Variants in CSMD1 observed in about 807,000 individuals in gnomAD.
The protein encoded by CSMD1 is CUB and Sushi multiple domains 1, also known as CUB and sushi domain-containing protein 1.
A neutral mutation model predicts 417.5 loss-of-function variants in CSMD1; 213 were observed. The observed-to-expected ratio is 0.51, with a 90% CI of 0.46 to 0.57. The LOEUF is 0.57. CSMD1 is among the 20% of genes least tolerant of loss of function. The pLI, the probability that CSMD1 is intolerant of heterozygous loss-of-function variation, is 0.00. For synonymous variants in CSMD1, 2,862 were observed against 1,736.8 expected (o/e 1.65, Z -16.11); for missense variants, 6,923 against 4,529.7 (o/e 1.53, Z -15.17).
At chr8:4,181,352 C>T (rs1282865944) in intron 3 of CSMD1, among the ~76,000 whole-genome samples, 1 of 147,844 alleles carries the variant, frequency 6.8e-6, no homozygotes, top group Non-Finnish European at 1.5e-5. Context: ...GGTACGGTTT[C>T]TCATTTATTT....
rs769333077 is a variant in CSMD1 at position 4,749,056 on chromosome 8, G to A, written c.86-111498C>T. Among the ~76,000 whole-genome samples the A allele has an allele frequency of 8.7e-5, 9 of 103,080 alleles. 1 individual carries two copies. Among genetic ancestry groups the A allele is most frequent in the South Asian group, 4.9e-4 (2 of 4,114 alleles). 67.6% of individuals were successfully genotyped at this position (103,080 alleles called of 152,430 possible). Reference sequence around the variant, plus strand: ...AAACTGTGTGTGTGTGCCTGTGTGCGTGTGTGTGTGTGTGAGCGCACGCTC... The same window carrying A: ...AAACTGTGTGTGTGTGCCTGTGTGCATGTGTGTGTGTGTGAGCGCACGCTC... On this transcript the variant is annotated intron_variant, in intron 1 of 69. Coordinates refer to ENST00000635120, the MANE Select transcript of CSMD1 (RefSeq NM_033225.6).
chr8:3,471,724 G>A (rs908152632), intron 11 of CSMD1, among the ~76,000 whole-genome samples: 27 of 126,538 alleles, frequency 2.1e-4, no homozygotes, highest in African/African-American at 7.2e-4. Flanking sequence ...TTCCTTCCTT[G>A]CTTTCTGTTA....
intron 5 of CSMD1, among the ~76,000 whole-genome samples, chr8:3,766,093 C>A (rs1231034936): frequency 6.6e-6 from 1 of 152,160 alleles, no homozygotes; most frequent in African/African-American, 2.4e-5. Context: ...ATGGCTCAGA[C>A]AGACAAGTAA....
chr8:3,955,498 T>C (rs772782437), intron 5 of CSMD1, among the ~76,000 whole-genome samples: 12 of 152,200 alleles, frequency 7.9e-5, no homozygotes, highest in Non-Finnish European at 1.5e-4. Flanking sequence ...TCTCTACTCA[T>C]GTTTGAAGCT....
chr8:4,698,046 G>C (rs1425486957), intron 1 of CSMD1, among the ~76,000 whole-genome samples: 1 of 151,638 alleles, frequency 6.6e-6, no homozygotes, highest in African/African-American at 2.4e-5. Flanking sequence ...ATAATTGGAA[G>C]GGTTCATCAA....
At chr8:3,669,722 G>A (rs930190247) in intron 7 of CSMD1, among the ~76,000 whole-genome samples, 60 of 152,090 alleles carry the variant, frequency 3.9e-4, no homozygotes, top group African/African-American at 1.4e-3. Flanking sequence ...CAAAGAGGAA[G>A]GCCAGGAGGA....
At chr8:3,964,640 T>C (rs1400072650) in intron 5 of CSMD1, among the ~76,000 whole-genome samples, 1 of 152,224 alleles carries the variant, frequency 6.6e-6, no homozygotes, top group Non-Finnish European at 1.5e-5. Flanking sequence ...AATATTTAAA[T>C]TTGCTATTCA....
At position 3,106,550 on chromosome 8, in the gene CSMD1, C is replaced by G; in HGVS notation, c.6927G>C (p.Glu2309Asp). The G allele has an allele frequency of 6.2e-7, 1 of 1,613,570 alleles. No individual in the cohort carries two copies. Among genetic ancestry groups the G allele is most frequent in the Admixed American group, 1.7e-5 (1 of 60,004 alleles). Residue 2309 changes from glutamate (E) to aspartate (D), a missense_variant, in exon 46 of 70, where the codon GAG becomes GAC. Physicochemically the swap from Glu to Asp is conservative, Grantham distance 45. Transcript: ENST00000635120. ...TCKLSSQLQFEGSLPTCEAQC... is the reference protein window; with the variant it reads ...TCKLSSQLQFDGSLPTCEAQC... ...TACCTTCACATGTTGGGAGAGAACCCTCAAACTGCAACTGGGAACTGAGCT... is the reference window on the plus strand; with the variant it reads ...TACCTTCACATGTTGGGAGAGAACCGTCAAACTGCAACTGGGAACTGAGCT...
chr8:3,702,206 C>G lies in CSMD1; in HGVS notation c.1009+6208G>C, dbSNP rs190482177. 1.2e-3 allele frequency: 187 copies of G among 152,294 alleles called. 1 individual carries two copies. The highest frequency in any genetic ancestry group is 4.3e-3 in the African/African-American group (180 of 41,550). The allele number at this position is 152,294 out of a possible 1,614,324, so 9.4% of individuals were successfully genotyped here. On this transcript the variant is annotated intron_variant, in intron 7 of 69. Transcript: ENST00000635120. ...ATGGTTCTGGATTAATTGCCCCATC[C>G]TGCATGGCTACAAAGTGTTGTAACT...
Position 4,891,393 on chromosome 8 carries a change from C to T in CSMD1, c.85+102939G>A, listed in dbSNP as rs937657270. Among the ~76,000 whole-genome samples the T allele has an allele frequency of 2.0e-5, 3 of 152,158 alleles. No individual in the cohort carries two copies. In the East Asian group the frequency reaches 5.8e-4, roughly 29 times the overall value. On this transcript the variant is annotated intron_variant, in intron 1 of 69. Coordinates refer to ENST00000635120, the MANE Select transcript of CSMD1 (RefSeq NM_033225.6). ...TTCATTGAATAACTTGACCCTTGAT[C>T]AGGTTGGTACATTGAGCTTTCATTC...
intron 3 of CSMD1, among the ~76,000 whole-genome samples, chr8:4,273,728 C>T (rs1461457280): frequency 6.6e-6 from 1 of 152,042 alleles, no homozygotes; most frequent in Non-Finnish European, 1.5e-5. Context: ...GTAGCTAGAC[C>T]ATCTGGGTCA....
intron 25 of CSMD1, among the ~76,000 whole-genome samples, chr8:3,296,095 C>T (rs116789858): frequency 0.029 from 4,371 of 151,690 alleles, 218 homozygotes; most frequent in African/African-American, 0.096. Context: ...GTGGTAAATG[C>T]AATTGAAGAA....
intron 4 of CSMD1, among the ~76,000 whole-genome samples, chr8:4,015,502 T>A (rs112690776): frequency 6.6e-6 from 1 of 152,052 alleles, no homozygotes; most frequent in Non-Finnish European, 1.5e-5. Context: ...CAGCTTCAGA[T>A]AGGTCTAAAA....
At chr8:3,129,794 G>C (rs11136581) in intron 41 of CSMD1, among the ~76,000 whole-genome samples, 7,337 of 152,122 alleles carry the variant, frequency 0.048, 472 homozygotes, top group East Asian at 0.35. Context: ...TTCAAGACCA[G>C]CCTGCCCAAG....
intron 2 of CSMD1, among the ~76,000 whole-genome samples, chr8:4,527,493 A>AC (rs1796577687): frequency 6.6e-6 from 1 of 152,188 alleles, no homozygotes; most frequent in Non-Finnish European, 1.5e-5. Flanking sequence ...GTGTCAAGAT[A>AC]TAAAGAATGA....
At chr8:4,223,120 T>C (rs187724339) in intron 3 of CSMD1, among the ~76,000 whole-genome samples, 225 of 152,008 alleles carry the variant, frequency 1.5e-3, no homozygotes, top group Non-Finnish European at 2.0e-3. Context: ...TAGTAGCAAG[T>C]GGCTCAGTAA....
chr8:4,419,364 T>C (rs538889595), intron 3 of CSMD1, among the ~76,000 whole-genome samples: 2 of 152,276 alleles, frequency 1.3e-5, no homozygotes, highest in African/African-American at 4.8e-5. Flanking sequence ...TTTCCAAAGT[T>C]CTATCTCTGC....
intron 12 of CSMD1, among the ~76,000 whole-genome samples, chr8:3,450,086 G>C (rs938600607): frequency 6.6e-6 from 1 of 152,258 alleles, no homozygotes; most frequent in African/African-American, 2.4e-5. Flanking sequence ...AAATCATCTG[G>C]TTTGCTGACT....
chr8:4,856,337 C>G (rs1164513314), intron 1 of CSMD1, among the ~76,000 whole-genome samples: 1 of 145,386 alleles, frequency 6.9e-6, no homozygotes, highest in Non-Finnish European at 1.5e-5. Flanking sequence ...ACCATCGAGA[C>G]TAGGAAGAAA....
Sources: gnomAD v4.1 joint callset for allele counts (sites outside exome capture counted in the v4.1 genomes callset) on GRCh38, gnomAD v4.1.1 for gene constraint, MANE v1.5 for transcripts, NCBI Gene and HGNC (gene_info 2026-07-23, HGNC 2026-07-21) for gene names.